ZNF804A: variants seen among roughly 807,000 people sequenced by gnomAD.
ZNF804A encodes the protein zinc finger protein 804A.
A neutral mutation model predicts 16.5 loss-of-function variants in ZNF804A; 2 were observed. The ratio of observed to expected loss-of-function variants is 0.12; its 90% CI spans 0.05 to 0.38. The LOEUF (loss-of-function observed/expected upper bound fraction) is 0.38, where lower values mean the gene tolerates loss of function less well. Among genes scored for constraint, ZNF804A ranks in the 10% least tolerant of loss-of-function variants. The pLI is 0.99. For missense variants in ZNF804A, 1,473 were observed against 1,390.7 expected, an observed-to-expected ratio of 1.06 and a Z score of -0.94; for synonymous variants, 534 against 489.6, an observed-to-expected ratio of 1.09 and a Z score of -1.20.
At chr2:184,659,395 A>G (rs1297230302) in intron 1 of ZNF804A, among the ~76,000 whole-genome samples, 1 of 152,156 alleles carries the variant, frequency 6.6e-6, no homozygotes, top group African/African-American at 2.4e-5. Context: ...CATGTTAGGC[A>G]CTTGGTCAGA....
At chr2:184,790,930 T>G in intron 1 of ZNF804A, among the ~76,000 whole-genome samples, 1 of 152,144 alleles carries the variant, frequency 6.6e-6, no homozygotes, top group East Asian at 1.9e-4. Context: ...TATAATGCCC[T>G]TCTTTGTCTT....
At chr2:184,711,996 G>C (rs191572016) in intron 1 of ZNF804A, among the ~76,000 whole-genome samples, 1 of 151,564 alleles carries the variant, frequency 6.6e-6, no homozygotes, top group African/African-American at 2.4e-5. Context: ...ATCTTTTTCT[G>C]TAAGAAATGC....
chr2:184,878,337 C>T (rs921224821), intron 2 of ZNF804A, among the ~76,000 whole-genome samples: 2 of 151,954 alleles, frequency 1.3e-5, no homozygotes, highest in African/African-American at 4.8e-5. Context: ...CCACAAAGCT[C>T]GGTTTGAGTC....
chr2:184,618,477 G>A (rs1049190160), intron 1 of ZNF804A, among the ~76,000 whole-genome samples: 2 of 152,088 alleles, frequency 1.3e-5, no homozygotes, highest in Non-Finnish European at 2.9e-5. Flanking sequence ...TAAAAGATAT[G>A]ATTTTGGTAA....
chr2:184,902,573 T>C (rs1039918828), intron 2 of ZNF804A: 6 of 152,246 alleles, frequency 3.9e-5, no homozygotes, highest in African/African-American at 1.4e-4. Flanking sequence ...CCCCTTTTAG[T>C]GAAAAGGGTA....
At chr2:184,740,951 T>G (rs1341016144) in intron 1 of ZNF804A, among the ~76,000 whole-genome samples, 1 of 152,148 alleles carries the variant, frequency 6.6e-6, no homozygotes, top group Non-Finnish European at 1.5e-5. Flanking sequence ...GTGCAAGGAT[T>G]AAATGATCAA....
chr2:184,765,889 A>G (rs888985219), intron 1 of ZNF804A, among the ~76,000 whole-genome samples: 5 of 152,122 alleles, frequency 3.3e-5, no homozygotes, highest in Admixed American at 6.6e-5. Flanking sequence ...GTCTTTGTGA[A>G]TTTCCCAATT....
chr2:184,705,494 T>C (rs1036754098), intron 1 of ZNF804A, among the ~76,000 whole-genome samples: 2 of 152,202 alleles, frequency 1.3e-5, no homozygotes, highest in Non-Finnish European at 2.9e-5. Context: ...CATTTTCATA[T>C]TTAATAAATG....
chr2:184,643,744 A>G (rs954816630), intron 1 of ZNF804A, among the ~76,000 whole-genome samples: 1 of 151,410 alleles, frequency 6.6e-6, no homozygotes, highest in Non-Finnish European at 1.5e-5. Flanking sequence ...TTATATAGAC[A>G]TGTATAAATA....
chr2:184,840,804 T>C (rs1010939287), intron 1 of ZNF804A, among the ~76,000 whole-genome samples: 2 of 152,160 alleles, frequency 1.3e-5, no homozygotes, highest in African/African-American at 4.8e-5. Context: ...TAAATGGTTA[T>C]TCTTAACTTC....
At chr2:184,852,809 G>A (rs762419575) in intron 1 of ZNF804A, among the ~76,000 whole-genome samples, 34 of 148,430 alleles carry the variant, frequency 2.3e-4, no homozygotes, top group Non-Finnish European at 4.1e-4. Context: ...TGGTCTATGT[G>A]TCTTTTATAA....
chr2:184,812,038 A>G (rs1289520552), intron 1 of ZNF804A, among the ~76,000 whole-genome samples: 1 of 152,216 alleles, frequency 6.6e-6, no homozygotes, highest in Non-Finnish European at 1.5e-5. Flanking sequence ...AAATACCTAA[A>G]TAACATACTA....
chr2:184,897,880 G>A (rs1162591342), intron 2 of ZNF804A, among the ~76,000 whole-genome samples: 3 of 151,764 alleles, frequency 2.0e-5, no homozygotes, highest in Non-Finnish European at 2.9e-5. Flanking sequence ...TCTTTATTCC[G>A]TGCCTCAAAC....
intron 1 of ZNF804A, among the ~76,000 whole-genome samples, chr2:184,663,964 G>A (rs1263065523): frequency 6.6e-6 from 1 of 152,194 alleles, no homozygotes; most frequent in Non-Finnish European, 1.5e-5. Flanking sequence ...CTTCCCAGAA[G>A]AATTTAGAAG....
chr2:184,719,013 A>T (rs941072849), intron 1 of ZNF804A, among the ~76,000 whole-genome samples: 1 of 152,184 alleles, frequency 6.6e-6, no homozygotes, highest in Non-Finnish European at 1.5e-5. Flanking sequence ...TGAGGGCCCC[A>T]TCCCTACAGC....
At chr2:184,844,515 A>C (rs1055976485) in intron 1 of ZNF804A, among the ~76,000 whole-genome samples, 1 of 151,882 alleles carries the variant, frequency 6.6e-6, no homozygotes, top group Non-Finnish European at 1.5e-5. Context: ...TTTTTCTTTC[A>C]ATATTTCATT....
intron 1 of ZNF804A, among the ~76,000 whole-genome samples, chr2:184,661,863 C>T (rs1187269353): frequency 3.9e-5 from 6 of 152,032 alleles, no homozygotes; most frequent in Non-Finnish European, 7.4e-5. Context: ...ACTGTTGTTC[C>T]ACCAACATTT....
intron 2 of ZNF804A, among the ~76,000 whole-genome samples, chr2:184,922,871 T>C (rs753494338): frequency 2.6e-5 from 4 of 152,122 alleles, no homozygotes; most frequent in Non-Finnish European, 5.9e-5. Flanking sequence ...GAGTTCACTG[T>C]AGATGTATGG....
chr2:184,741,113 G>A (rs940160787), intron 1 of ZNF804A, among the ~76,000 whole-genome samples: 2 of 152,146 alleles, frequency 1.3e-5, no homozygotes, highest in Non-Finnish European at 2.9e-5. Flanking sequence ...GACACAAACT[G>A]CAAATTTAGA....
Sources: allele counts gnomAD v4.1 joint callset (sites outside exome capture counted in the v4.1 genomes callset), GRCh38; gene constraint gnomAD v4.1.1; transcripts MANE v1.5; gene names NCBI Gene and HGNC (gene_info 2026-07-23, HGNC 2026-07-21).